Variants in PDE4D observed in about 807,000 individuals in gnomAD.
PDE4D encodes 3',5'-cyclic-AMP phosphodiesterase 4D.
Under a neutral mutation model 87.4 loss-of-function variants are expected in PDE4D, and 24 were observed. The observed-to-expected ratio is 0.27, with a 90% CI of 0.20 to 0.39. PDE4D has a LOEUF of 0.39. Among genes scored for constraint, PDE4D ranks in the 10% least tolerant of loss-of-function variants. The pLI is 1.00. For synonymous variants in PDE4D, 384 were observed against 383.2 expected (o/e 1.00, Z -0.02); for missense variants, 714 against 1,041.0 (o/e 0.69, Z 4.32).
In PDE4D at chr5:60,016,031, G is replaced by C. The variant is rs573217887; in HGVS notation, c.43-27314C>G. ...CTCTGTTCTCTCTCTCTCTCTGTGT[G>C]TGTGTGTGTGTGTGTGTGTGTTTGT... On this transcript the variant is annotated intron_variant, in intron 2 of 16. Coordinates refer to the PDE4D transcript ENST00000502484. Among the ~76,000 whole-genome samples, 848 of 151,406 alleles carry C rather than the reference G, an allele frequency of 5.6e-3. 11 individuals carry two copies. The highest frequency in any genetic ancestry group is 0.019 in the African/African-American group (793 of 41,198).
At chr5:60,371,623 T>A (rs1348052463) in intron 1 of PDE4D, among the ~76,000 whole-genome samples, 1 of 152,182 alleles carries the variant, frequency 6.6e-6, no homozygotes, top group Non-Finnish European at 1.5e-5. Context: ...TAATAAAATT[T>A]AAAAAATTAG....
intron 1 of PDE4D, among the ~76,000 whole-genome samples, chr5:59,515,544 T>C (rs1424665093): frequency 1.3e-5 from 2 of 152,154 alleles, no homozygotes; most frequent in Non-Finnish European, 2.9e-5. Context: ...CTACAAAGAA[T>C]ACCTAAAAGA....
intron 5 of PDE4D, among the ~76,000 whole-genome samples, chr5:59,180,122 C>T (rs911955759): frequency 3.3e-5 from 5 of 152,188 alleles, no homozygotes; most frequent in African/African-American, 9.7e-5. Context: ...TTATTCTCAG[C>T]TCTCTCAGTC....
chr5:59,926,826 A>G (rs1755343488), intron 3 of PDE4D, among the ~76,000 whole-genome samples: 1 of 152,212 alleles, frequency 6.6e-6, no homozygotes, highest in Non-Finnish European at 1.5e-5. Flanking sequence ...TTGAACCATG[A>G]AGTCCAAAAT....
At chr5:59,775,351 T>C (rs1005013752) in intron 1 of PDE4D, among the ~76,000 whole-genome samples, 7 of 152,128 alleles carry the variant, frequency 4.6e-5, no homozygotes, top group African/African-American at 9.7e-5. Flanking sequence ...CCTTAGCCTA[T>C]TGAATTACTG....
In PDE4D at chr5:60,196,499, A is replaced by G. The variant is rs768129839; in HGVS notation, c.-89-10812T>C. On this transcript the variant is annotated intron_variant, in intron 1 of 16. Coordinates refer to the PDE4D transcript ENST00000502484. The stretch of plus-strand genomic sequence containing the variant: ...CCATACACCCTCCCACTGCCTCATT[A>G]TGGTGCCCTTCCTGCCTGGGCAGTG... Among the ~76,000 whole-genome samples, 47 of 151,652 alleles carry G rather than the reference A, an allele frequency of 3.1e-4. 5 individuals are homozygous for G. The highest frequency in any genetic ancestry group is 5.9e-4 in the Non-Finnish European group (40 of 67,792).
At chr5:59,634,290 G>A (rs543053750) in intron 1 of PDE4D, among the ~76,000 whole-genome samples, 1 of 152,162 alleles carries the variant, frequency 6.6e-6, no homozygotes, top group Non-Finnish European at 1.5e-5. Context: ...ACTAGTGGGA[G>A]ACTTTAACAC....
chr5:60,480,237 T>C (rs1278258430), intron 1 of PDE4D, among the ~76,000 whole-genome samples: 1 of 152,186 alleles, frequency 6.6e-6, no homozygotes, highest in Non-Finnish European at 1.5e-5. Flanking sequence ...TCTAGAAGTT[T>C]TGAAACTGAC....
intron 2 of PDE4D, among the ~76,000 whole-genome samples, chr5:60,079,851 C>T (rs570187669): frequency 5.3e-5 from 8 of 152,226 alleles, no homozygotes; most frequent in African/African-American, 1.7e-4. Context: ...ATTGTTTTGG[C>T]CATCCAAAGT....
intron 1 of PDE4D, among the ~76,000 whole-genome samples, chr5:59,505,001 G>A (rs1472501474): frequency 6.6e-6 from 1 of 151,590 alleles, no homozygotes; most frequent in Non-Finnish European, 1.5e-5. Flanking sequence ...GTGTAGGGCT[G>A]CTCATTAGTC....
chr5:59,876,041 C>T (rs141411592), intron 1 of PDE4D, among the ~76,000 whole-genome samples: 178 of 152,214 alleles, frequency 1.2e-3, no homozygotes, highest in African/African-American at 4.1e-3. Flanking sequence ...ATGAAATAAT[C>T]GCTACAACAA....
At chr5:59,786,434 A>G (rs1212078490) in intron 1 of PDE4D, among the ~76,000 whole-genome samples, 3 of 152,204 alleles carry the variant, frequency 2.0e-5, no homozygotes, top group African/African-American at 4.8e-5. Flanking sequence ...GAATCCTGAA[A>G]CAGCTAATTA....
chr5:59,867,753 G>C (rs1747252040), intron 1 of PDE4D, among the ~76,000 whole-genome samples: 1 of 152,110 alleles, frequency 6.6e-6, no homozygotes, highest in South Asian at 2.1e-4. Context: ...ATTGCTAAAA[G>C]CACTATGGCA....
intron 1 of PDE4D, among the ~76,000 whole-genome samples, chr5:60,493,864 AC>A (rs573166771): frequency 1.1e-3 from 174 of 152,184 alleles, no homozygotes; most frequent in African/African-American, 4.1e-3. Flanking sequence ...AGGTGGTTAC[AC>A]CCTCCTGAGT....
Position 59,872,295 on chromosome 5 carries a change from ACACAC to A in PDE4D, c.455+20868_455+20872del, listed in dbSNP as rs1480918572. ...CACACACACACACACACACACACACACACACAAGAGCACACAGGCACACACACAGC... is the reference window on the plus strand; with the variant it reads ...CACACACACACACACACACACACACAAAGAGCACACAGGCACACACACAGC... On this transcript the variant is annotated intron_variant, in intron 1 of 14. Transcript: ENST00000340635. 5.5e-3 allele frequency among the ~76,000 whole-genome samples: 753 copies of A among 137,646 alleles called. 2 individuals carry two copies. Among genetic ancestry groups the A allele is most frequent in the African/African-American group, 0.022 (709 of 31,926 alleles). The allele number at this position is 137,646 out of a possible 152,430, so 90.3% of individuals were successfully genotyped here.
At chr5:59,412,665 A>G (rs567527868) in intron 1 of PDE4D, among the ~76,000 whole-genome samples, 13 of 152,352 alleles carry the variant, frequency 8.5e-5, no homozygotes, top group South Asian at 8.3e-4. Flanking sequence ...GTTACTTTGT[A>G]CTGGCAATCT....
At chr5:59,979,421 G>GGGGTGTGTGTGT (rs71606616) in intron 3 of PDE4D, among the ~76,000 whole-genome samples, 4 of 147,630 alleles carry the variant, frequency 2.7e-5, no homozygotes, top group African/African-American at 9.9e-5. Context: ...CACAGCAAGG[G>GGGGTGTGTGTGT]GTGTGTGTGT....
chr5:59,872,823 G>A (rs183361444), intron 1 of PDE4D, among the ~76,000 whole-genome samples: 175 of 152,218 alleles, frequency 1.1e-3, no homozygotes, highest in African/African-American at 4.1e-3. Context: ...GTACTGATCA[G>A]TAGGAAAAAA....
intron 1 of PDE4D, among the ~76,000 whole-genome samples, chr5:59,331,056 T>C (rs1776641369): frequency 6.6e-6 from 1 of 152,196 alleles, no homozygotes; most frequent in South Asian, 2.1e-4. Flanking sequence ...CCTGATCCCA[T>C]TGTAGTAGTT....
Sources: gnomAD v4.1 joint callset for allele counts (sites outside exome capture counted in the v4.1 genomes callset) on GRCh38, gnomAD v4.1.1 for gene constraint, MANE v1.5 for transcripts, NCBI Gene and HGNC (gene_info 2026-07-23, HGNC 2026-07-21) for gene names.